The following ATG5 variants were observed in gnomAD, a reference collection of about 807,000 sequenced individuals.
The protein encoded by ATG5 is autophagy related 5, also known as autophagy protein 5.
In ATG5, 14 loss-of-function variants were observed where a neutral mutation model predicts 36.5. The ratio of observed to expected loss-of-function variants is 0.38; its 90% CI spans 0.25 to 0.60. The LOEUF (loss-of-function observed/expected upper bound fraction) is 0.60. Among genes scored for constraint, ATG5 ranks in the 20% least tolerant of loss-of-function variants. The pLI is 0.60. For synonymous variants in ATG5, 95 were observed against 101.5 expected (o/e 0.94, Z 0.38); for missense variants, 195 against 326.7 (o/e 0.60, Z 3.11).
chr6:106,260,223 G>A lies in ATG5; in HGVS notation c.479-11979C>T, dbSNP rs184597205. On this transcript the variant is annotated intron_variant, in intron 5 of 7. Coordinates refer to ENST00000369076, the MANE Select transcript of ATG5 (RefSeq NM_004849.4). ...GTATACTTATGTAACAAACCTGCAC[G>A]TTGTGCACATGTACCCTAGAACTTA... 8.5e-5 allele frequency among the ~76,000 whole-genome samples: 13 copies of A among 152,224 alleles called. No individual in the cohort carries two copies. The East Asian group carries it at 2.3e-3, about 27-fold the overall frequency.
At chr6:106,271,132 C>A (rs1223542165) in intron 5 of ATG5, among the ~76,000 whole-genome samples, 2 of 152,202 alleles carry the variant, frequency 1.3e-5, no homozygotes, top group African/African-American at 4.8e-5. Context: ...TTTTCCTTGG[C>A]CTACAAGGCC....
intron 7 of ATG5, among the ~76,000 whole-genome samples, chr6:106,193,522 T>C (rs953754822): frequency 3.3e-5 from 5 of 152,160 alleles, no homozygotes; most frequent in African/African-American, 1.2e-4. Context: ...TCAGTTGTAA[T>C]TATAAAAAGC....
intron 6 of ATG5, among the ~76,000 whole-genome samples, chr6:106,229,606 A>G (rs1254646877): frequency 6.6e-6 from 1 of 152,230 alleles, no homozygotes; most frequent in African/African-American, 2.4e-5. Context: ...GGGTAAATGT[A>G]AAACCTATAA....
intron 3 of ATG5, among the ~76,000 whole-genome samples, chr6:106,307,450 A>G (rs1562267812): frequency 6.6e-6 from 1 of 152,048 alleles, no homozygotes; most frequent in Non-Finnish European, 1.5e-5. Flanking sequence ...AAGCACAATG[A>G]ACAAAACTCC....
At chr6:106,212,303 G>A (rs961789877) in intron 6 of ATG5, among the ~76,000 whole-genome samples, 1 of 152,202 alleles carries the variant, frequency 6.6e-6, no homozygotes, top group African/African-American at 2.4e-5. Context: ...AACTAACTAT[G>A]AGTGTGCTTG....
chr6:106,282,952 A>G (rs1779937672), intron 4 of ATG5, among the ~76,000 whole-genome samples: 1 of 151,920 alleles, frequency 6.6e-6, no homozygotes, highest in Non-Finnish European at 1.5e-5. Context: ...ACACTCAGCT[A>G]ATTTTTTTAA....
rs150173989 is a variant in ATG5, at chr6:106,239,990, A to T, written c.573+8160T>A. ...CCTATCTCACACAACACATTGTGGG[A>T]AAGGACCTTCTTTTTTTTTTGAGAC... On this transcript the variant is annotated intron_variant, in intron 6 of 7. Transcript: ENST00000369076. Among the ~76,000 whole-genome samples the T allele has an allele frequency of 8.2e-3, 1,249 of 152,152 alleles. 13 individuals carry two copies. Among genetic ancestry groups the T allele is most frequent in the African/African-American group, 0.028 (1,158 of 41,542 alleles).
chr6:106,276,260 C>T (rs12194533), intron 5 of ATG5, among the ~76,000 whole-genome samples: 6,938 of 152,046 alleles, frequency 0.046, 208 homozygotes, highest in Non-Finnish European at 0.075. Flanking sequence ...GTCAGGAGAT[C>T]GAGACCATCC....
intron 7 of ATG5, chr6:106,201,636 C>A (rs1776435537): frequency 6.4e-6 from 1 of 156,132 alleles, no homozygotes; most frequent in Non-Finnish European, 1.4e-5. Flanking sequence ...TTATTTTTAC[C>A]ATTTCTGACT....
intron 4 of ATG5, among the ~76,000 whole-genome samples, chr6:106,288,617 C>G (rs1440655700): frequency 1.3e-5 from 2 of 152,176 alleles, no homozygotes; most frequent in East Asian, 3.8e-4. Context: ...TTCTCTAACT[C>G]TTGTTAATCA....
chr6:106,195,894 A>T (rs532678907), intron 7 of ATG5, among the ~76,000 whole-genome samples: 6 of 152,012 alleles, frequency 3.9e-5, no homozygotes, highest in Non-Finnish European at 5.9e-5. Context: ...GCAGCCTAGA[A>T]ATTTAACAGA....
chr6:106,242,850 TACTAA>T (rs1190721347), intron 6 of ATG5, among the ~76,000 whole-genome samples: 2 of 152,204 alleles, frequency 1.3e-5, no homozygotes, highest in African/African-American at 4.8e-5. Flanking sequence ...GCAAGATATC[TACTAA>T]AATGGAAAAC....
chr6:106,295,799 A>C lies in ATG5; in HGVS notation c.237-2693T>G, dbSNP rs978581348. Among the ~76,000 whole-genome samples, 16 of 152,286 alleles carry C rather than the reference A, an allele frequency of 1.1e-4. No individual in the cohort carries two copies. The East Asian group carries it at 3.1e-3, about 29-fold the overall frequency. ...GGCTGGTCTCAAACTTCTGGACTCA[A>C]GCAATACTCCCACCTTGGCCACCCA... On this transcript the variant is annotated intron_variant, in intron 3 of 7. Transcript: ENST00000369076.
intron 6 of ATG5, among the ~76,000 whole-genome samples, chr6:106,243,463 G>GGCT (rs1778203710): frequency 6.6e-6 from 1 of 151,872 alleles, no homozygotes; most frequent in Non-Finnish European, 1.5e-5. Context: ...GGAAGGCAGA[G>GGCT]GCTGTAGTGA....
intron 5 of ATG5, among the ~76,000 whole-genome samples, chr6:106,273,667 A>C (rs1346747341): frequency 6.6e-6 from 1 of 152,212 alleles, no homozygotes; most frequent in Non-Finnish European, 1.5e-5. Context: ...CATACAACTG[A>C]TAAGAGACAC....
intron 6 of ATG5, among the ~76,000 whole-genome samples, chr6:106,208,083 C>T (rs561604150): frequency 8.1e-4 from 124 of 152,244 alleles, no homozygotes; most frequent in African/African-American, 2.9e-3. Context: ...CAGAGCAAGA[C>T]TCTGTCTCAA....
chr6:106,291,707 C>T (rs17066705), intron 4 of ATG5, among the ~76,000 whole-genome samples: 1,832 of 152,324 alleles, frequency 0.012, 41 homozygotes, highest in African/African-American at 0.042. Flanking sequence ...CAATATAGCA[C>T]CCCTACCCTT....
rs112490125 is a variant in ATG5 at position 106,242,427 on chromosome 6, G to A, written c.573+5723C>T. On this transcript the variant is annotated intron_variant, in intron 6 of 7. Transcript: ENST00000369076. ...GGATGTCAAATCCATAAAGTAGAATGGGGAAACAGAGAGTTGTTTAATGGG... is the reference window on the plus strand; with the variant it reads ...GGATGTCAAATCCATAAAGTAGAATAGGGAAACAGAGAGTTGTTTAATGGG... 4.5e-3 allele frequency among the ~76,000 whole-genome samples: 691 copies of A among 152,284 alleles called. 3 individuals are homozygous for A. The highest frequency in any genetic ancestry group is 0.016 in the African/African-American group (656 of 41,552).
intron 5 of ATG5, among the ~76,000 whole-genome samples, chr6:106,257,752 T>C (rs779008806): frequency 6.6e-6 from 1 of 152,238 alleles, no homozygotes; most frequent in African/African-American, 2.4e-5. Context: ...CAAATCTACC[T>C]AATCTGTACA....
Sources: allele counts gnomAD v4.1 joint callset (sites outside exome capture counted in the v4.1 genomes callset), GRCh38; gene constraint gnomAD v4.1.1; transcripts MANE v1.5; gene names NCBI Gene and HGNC (gene_info 2026-07-23, HGNC 2026-07-21).